MOXD1: variants seen among roughly 807,000 people sequenced by gnomAD.
The protein encoded by MOXD1 is DBH-like monooxygenase protein 1.
MOXD1 carries 62 observed loss-of-function variants against 66.6 expected under a neutral mutation model. The observed-to-expected ratio is 0.93, with a 90% CI of 0.76 to 1.15. MOXD1 has a LOEUF of 1.15. Ranked by LOEUF, MOXD1 falls within the 50% of genes most tolerant of loss-of-function variation. The pLI, the probability that MOXD1 is intolerant of heterozygous loss-of-function variation, is 0.00. For synonymous variants in MOXD1, 303 were observed against 281.9 expected (o/e 1.07, Z -0.75); for missense variants, 847 against 754.6 (o/e 1.12, Z -1.44).
At position 132,339,194 on chromosome 6, in the gene MOXD1, G is replaced by GATCTTTTTCTGAAATATGGC. The variant is rs565570928; in HGVS notation, c.664-10620_664-10601dup. 1.2e-4 allele frequency among the ~76,000 whole-genome samples: 19 copies of GATCTTTTTCTGAAATATGGC among 152,178 alleles called. No individual in the cohort carries two copies. In the East Asian group the frequency reaches 3.5e-3, roughly 28 times the overall value. ...GACTTAGCTATATTTTCTCTACAGA[G>GATCTTTTTCTGAAATATGGC]ATCTTTTTCTGAAATATGGCATCCC... On this transcript the variant is annotated intron_variant, in intron 4 of 11. Transcript: ENST00000367963.
chr6:132,378,786 A>G (rs377488505), intron 1 of MOXD1, among the ~76,000 whole-genome samples: 5 of 149,448 alleles, frequency 3.3e-5, no homozygotes, highest in African/African-American at 1.2e-4. Flanking sequence ...AGATGCTTTC[A>G]CTTGGAATTT....
rs9493287 is a variant in MOXD1 at position 132,322,327 on chromosome 6, C to T, written c.1305+352G>A. Among the ~76,000 whole-genome samples the T allele has an allele frequency of 3.4e-3, 511 of 152,222 alleles. 5 individuals are homozygous for T. Among genetic ancestry groups the T allele is most frequent in the African/African-American group, 0.011 (471 of 41,534 alleles). On this transcript the variant is annotated intron_variant, in intron 8 of 11. Coordinates refer to ENST00000367963, the MANE Select transcript of MOXD1 (RefSeq NM_015529.4). The stretch of plus-strand genomic sequence containing the variant: ...ATCTCTTCAACATAGCATAAAGACA[C>T]CTCTATTTTACCACTGCAGGAATTG...
intron 10 of MOXD1, among the ~76,000 whole-genome samples, chr6:132,306,429 G>A (rs1258213056): frequency 6.6e-6 from 1 of 152,078 alleles, no homozygotes; most frequent in Non-Finnish European, 1.5e-5. Context: ...AAACAAGCTG[G>A]AAAACATGCT....
chr6:132,304,975 A>T (rs1194717520), intron 10 of MOXD1, among the ~76,000 whole-genome samples: 1 of 152,216 alleles, frequency 6.6e-6, no homozygotes, highest in Non-Finnish European at 1.5e-5. Flanking sequence ...CAGTCTCTCA[A>T]CTGGAATCTG....
At chr6:132,389,502 A>G (rs1776713198) in intron 1 of MOXD1, among the ~76,000 whole-genome samples, 1 of 151,406 alleles carries the variant, frequency 6.6e-6, no homozygotes, top group African/African-American at 2.4e-5. Context: ...CCCACATTGG[A>G]ATCAATGGAG....
At chr6:132,395,597 A>T (rs1776853668) in intron 1 of MOXD1, among the ~76,000 whole-genome samples, 1 of 152,178 alleles carries the variant, frequency 6.6e-6, no homozygotes, top group African/African-American at 2.4e-5. Flanking sequence ...TGAATGGGTT[A>T]AAAAACATGA....
chr6:132,324,549 A>G (rs1775147840), intron 6 of MOXD1, among the ~76,000 whole-genome samples: 1 of 152,206 alleles, frequency 6.6e-6, no homozygotes, highest in Admixed American at 6.5e-5. Context: ...TCTGCTGAAG[A>G]AAAAAACTAC....
chr6:132,303,868 TATATATATATAC>T lies in MOXD1; in HGVS notation c.1509-5925_1509-5914del, dbSNP rs1341231870. Among the ~76,000 whole-genome samples the T allele has an allele frequency of 5.6e-3, 289 of 51,212 alleles. 4 individuals are homozygous for T. The highest frequency in any genetic ancestry group is 0.044 in the African/African-American group (248 of 5,610). 33.6% of individuals were successfully genotyped at this position (51,212 alleles called of 152,430 possible). Reference sequence around the variant, plus strand: ...ATATATATATATATATATATATATATATATATATATACATATATACATAAAACCTTAGGACAA... The same window carrying T: ...ATATATATATATATATATATATATATATATATACATAAAACCTTAGGACAA... On this transcript the variant is annotated intron_variant, in intron 10 of 11. Coordinates refer to ENST00000367963, the MANE Select transcript of MOXD1 (RefSeq NM_015529.4).
At chr6:132,380,429 C>A (rs1357392167) in intron 1 of MOXD1, among the ~76,000 whole-genome samples, 3 of 152,058 alleles carry the variant, frequency 2.0e-5, no homozygotes, top group African/African-American at 7.2e-5. Flanking sequence ...TCCCTATCCC[C>A]CTACTCTCTT....
chr6:132,307,348 G>A (rs758754500), intron 10 of MOXD1, among the ~76,000 whole-genome samples: 8 of 152,150 alleles, frequency 5.3e-5, no homozygotes, highest in Non-Finnish European at 1.0e-4. Context: ...ACTCAATACA[G>A]GAGCACCCAG....
intron 9 of MOXD1, among the ~76,000 whole-genome samples, chr6:132,316,404 A>G (rs1323328433): frequency 6.6e-6 from 1 of 152,168 alleles, no homozygotes; most frequent in Non-Finnish European, 1.5e-5. Context: ...TGCTGGATTT[A>G]TCAGACAATG....
intron 9 of MOXD1, among the ~76,000 whole-genome samples, chr6:132,319,680 C>T (rs992224595): frequency 4.0e-5 from 6 of 151,208 alleles, no homozygotes; most frequent in Non-Finnish European, 7.4e-5. Context: ...TTTTCCAGTA[C>T]AATGTTGAAT....
chr6:132,300,584 T>TA (rs1211343246), intron 10 of MOXD1, among the ~76,000 whole-genome samples: 2 of 152,144 alleles, frequency 1.3e-5, no homozygotes, highest in African/African-American at 4.8e-5. Flanking sequence ...GCCCCGCTGT[T>TA]AAGAGTGAAT....
At chr6:132,399,490 A>G (rs1562303954) in intron 1 of MOXD1, among the ~76,000 whole-genome samples, 1 of 152,228 alleles carries the variant, frequency 6.6e-6, no homozygotes. Context: ...ATCTCTATGA[A>G]GAACCACAAA....
At chr6:132,315,183 G>A (rs1774915397) in intron 10 of MOXD1, among the ~76,000 whole-genome samples, 2 of 152,238 alleles carry the variant, frequency 1.3e-5, no homozygotes, top group South Asian at 2.1e-4. Context: ...AAAAAACTCT[G>A]GGCACTGAAT....
chr6:132,338,221 C>T (rs1775478794), intron 4 of MOXD1, among the ~76,000 whole-genome samples: 1 of 152,160 alleles, frequency 6.6e-6, no homozygotes. Context: ...CAAGAATGTG[C>T]TCCTGACCAC....
chr6:132,373,333 T>C (rs1333896278), intron 2 of MOXD1, among the ~76,000 whole-genome samples: 2 of 152,196 alleles, frequency 1.3e-5, no homozygotes, highest in Admixed American at 1.3e-4. Context: ...ACCTTGCAAC[T>C]GGTAGCTTCT....
chr6:132,378,268 C>T (rs1031354701), intron 1 of MOXD1, among the ~76,000 whole-genome samples: 3 of 152,118 alleles, frequency 2.0e-5, no homozygotes, highest in African/African-American at 4.8e-5. Flanking sequence ...GCTGGGCCCT[C>T]ACTAATGGCT....
At chr6:132,389,022 G>T (rs1231664515) in intron 1 of MOXD1, among the ~76,000 whole-genome samples, 3 of 151,174 alleles carry the variant, frequency 2.0e-5, no homozygotes, top group Non-Finnish European at 4.4e-5. Context: ...AACGATTGCT[G>T]TGTCAGTCCA....
Sources: allele counts gnomAD v4.1 joint callset (sites outside exome capture counted in the v4.1 genomes callset), GRCh38; gene constraint gnomAD v4.1.1; transcripts MANE v1.5; gene names NCBI Gene and HGNC (gene_info 2026-07-23, HGNC 2026-07-21).